CDC14B: variants seen among roughly 807,000 people sequenced by gnomAD.
The protein encoded by CDC14B is dual specificity protein phosphatase CDC14B.
A neutral mutation model predicts 64.2 loss-of-function variants in CDC14B; 22 were observed. The ratio of observed to expected loss-of-function variants is 0.34; its 90% confidence interval spans 0.24 to 0.49. CDC14B has a LOEUF of 0.49. CDC14B is among the 20% of genes least tolerant of loss of function. The pLI is 0.99. For missense variants in CDC14B, 498 were observed against 629.9 expected, an observed-to-expected ratio of 0.79 and a Z score of 2.24; for synonymous variants, 191 against 215.8, an observed-to-expected ratio of 0.89 and a Z score of 1.01.
chr9:96,583,597 T>C (rs1324133663), intron 1 of CDC14B, among the ~76,000 whole-genome samples: 1 of 151,896 alleles, frequency 6.6e-6, no homozygotes, highest in Non-Finnish European at 1.5e-5. Flanking sequence ...GGGTTTCACA[T>C]ATTGGTCAGG....
intron 9 of CDC14B, among the ~76,000 whole-genome samples, chr9:96,524,391 T>C (rs1837252458): frequency 6.6e-6 from 1 of 152,224 alleles, no homozygotes; most frequent in Admixed American, 6.5e-5. Context: ...GCCCTGGGCA[T>C]TTTAGAAAAA....
At chr9:96,514,737 A>G in intron 12 of CDC14B, 1 of 985,474 alleles carries the variant, frequency 1.0e-6, no homozygotes, top group Non-Finnish European at 1.2e-6. Context: ...GGAAGAACGC[A>G]GCTCAGACAC....
At chr9:96,496,937 G>T (rs16910981), downstream of CDC14B, among the ~76,000 whole-genome samples, 7,761 of 152,362 alleles carry the variant, frequency 0.051, 684 homozygotes, top group African/African-American at 0.18. Flanking sequence ...GGCCTGGACC[G>T]TCCGGTGGCA....
At chr9:96,508,462 G>T (rs1834464893) in intron 13 of CDC14B, among the ~76,000 whole-genome samples, 1 of 152,194 alleles carries the variant, frequency 6.6e-6, no homozygotes, top group Non-Finnish European at 1.5e-5. Flanking sequence ...CTCCGCTATT[G>T]TTCCAATGTA....
chr9:96,542,186 G>C (rs1564289517), intron 5 of CDC14B, among the ~76,000 whole-genome samples: 2 of 151,222 alleles, frequency 1.3e-5, no homozygotes. Flanking sequence ...CCACCTTCTT[G>C]AATTCAACAA....
At chr9:96,553,115 T>C (rs1587938071) in intron 4 of CDC14B, among the ~76,000 whole-genome samples, 1 of 152,276 alleles carries the variant, frequency 6.6e-6, no homozygotes, top group East Asian at 1.9e-4. Flanking sequence ...TTACAATAGT[T>C]AGGAAAATTT....
At chr9:96,495,124 G>A (rs552541528), downstream of CDC14B, among the ~76,000 whole-genome samples, 30 of 152,128 alleles carry the variant, frequency 2.0e-4, no homozygotes, top group East Asian at 2.0e-4. Flanking sequence ...GTGAGCCACC[G>A]CGCCTGGCCT....
intron 1 of CDC14B, among the ~76,000 whole-genome samples, chr9:96,585,095 A>G (rs1238784011): frequency 6.6e-6 from 1 of 152,198 alleles, no homozygotes; most frequent in Non-Finnish European, 1.5e-5. Flanking sequence ...CACTCAACAT[A>G]TTAATAAGTA....
intron 5 of CDC14B, among the ~76,000 whole-genome samples, chr9:96,546,381 G>T (rs768416563): frequency 6.6e-6 from 1 of 151,924 alleles, no homozygotes; most frequent in South Asian, 2.1e-4. Flanking sequence ...GCAATGATTA[G>T]CTGGGGGTGA....
At chr9:96,570,813 G>C (rs1226495718) in intron 1 of CDC14B, among the ~76,000 whole-genome samples, 2 of 152,200 alleles carry the variant, frequency 1.3e-5, no homozygotes, top group Non-Finnish European at 2.9e-5. Flanking sequence ...AGGAGGTGGA[G>C]TGACTAACCT....
At chr9:96,556,695 T>C (rs184549254) in intron 4 of CDC14B, among the ~76,000 whole-genome samples, 6 of 152,196 alleles carry the variant, frequency 3.9e-5, no homozygotes, top group Admixed American at 1.3e-4. Flanking sequence ...AAATAGTGAA[T>C]TGGCCCTGGG....
At chr9:96,494,148 C>T (rs952298418) in intron 13 of CDC14B, among the ~76,000 whole-genome samples, 3 of 152,238 alleles carry the variant, frequency 2.0e-5, no homozygotes, top group Admixed American at 6.5e-5. Flanking sequence ...TTCTTGCTAC[C>T]TGGCTACTAT....
chr9:96,503,103 A>T lies in CDC14B; in HGVS notation c.*650T>A, dbSNP rs1833700882. On this transcript the variant is annotated 3_prime_UTR_variant, in exon 14 of 14. Coordinates refer to ENST00000375241, the MANE Select transcript of CDC14B (RefSeq NM_033331.4). ...AAGCTACCATTAATATTCTCTTGCA[A>T]GTTTTAGGTTACTAAGGTACCACCT... The T allele has an allele frequency of 2.6e-6, 1 of 382,524 alleles. No individual in the cohort carries two copies. Among genetic ancestry groups the T allele is most frequent in the African/African-American group, 2.1e-5 (1 of 48,292 alleles). The allele number at this position is 382,524 out of a possible 1,614,324, so 23.7% of individuals were successfully genotyped here. A position where few individuals can be genotyped will look rare whatever the true frequency, so the allele number is the denominator to read the frequency against.
At chr9:96,573,136 G>A (rs1165915189) in intron 1 of CDC14B, among the ~76,000 whole-genome samples, 1 of 152,020 alleles carries the variant, frequency 6.6e-6, no homozygotes, top group Non-Finnish European at 1.5e-5. Flanking sequence ...TGGTGAAACA[G>A]CATCTCTACT....
At chr9:96,551,178 C>T (rs952767825) in intron 5 of CDC14B, among the ~76,000 whole-genome samples, 20 of 139,042 alleles carry the variant, frequency 1.4e-4, no homozygotes, top group Admixed American at 6.1e-4. Context: ...TGTGGTATGA[C>T]CATAGCTCAC....
At chr9:96,619,116 G>A in intron 1 of CDC14B, 103 bp downstream of exon 1, 1 of 955,466 alleles carries the variant, frequency 1.0e-6, no homozygotes, top group Non-Finnish European at 1.3e-6. Context: ...AAGGCATTTC[G>A]GCCCGGCCCC....
chr9:96,507,168 C>G (rs1444685712), intron 13 of CDC14B, among the ~76,000 whole-genome samples: 2 of 152,026 alleles, frequency 1.3e-5, no homozygotes, highest in Non-Finnish European at 2.9e-5. Flanking sequence ...GTGGCACATG[C>G]CACCCACAAG....
intron 1 of CDC14B, among the ~76,000 whole-genome samples, chr9:96,604,350 TATTATTA>T (rs1846717254): frequency 4.1e-5 from 4 of 96,954 alleles, no homozygotes; most frequent in African/African-American, 2.5e-4. Context: ...CATTTATTAT[TATTATTA>T]TTATTATTAT....
chr9:96,532,578 C>T (rs1838651694), intron 9 of CDC14B, among the ~76,000 whole-genome samples: 3 of 152,176 alleles, frequency 2.0e-5, no homozygotes, highest in African/African-American at 7.2e-5. Flanking sequence ...CCCTCTGGAA[C>T]TCCCACGATC....
Sources: gnomAD v4.1 joint callset for allele counts (sites outside exome capture counted in the v4.1 genomes callset) on GRCh38, gnomAD v4.1.1 for gene constraint, MANE v1.5 for transcripts, NCBI Gene and HGNC (gene_info 2026-07-23, HGNC 2026-07-21) for gene names.